STYX: variants seen among roughly 807,000 people sequenced by gnomAD.
STYX encodes the protein serine/threonine/tyrosine-interacting protein.
In STYX, 20 loss-of-function variants were observed where a neutral mutation model predicts 42.7. The observed-to-expected ratio is 0.47, with a 90% CI of 0.33 to 0.68. The LOEUF is 0.68. STYX is among the 30% of genes least tolerant of loss of function. STYX has a pLI of 0.02. For synonymous variants in STYX, 78 were observed against 81.9 expected, an observed-to-expected ratio of 0.95 and a Z score of 0.26; for missense variants, 226 against 268.5, an observed-to-expected ratio of 0.84 and a Z score of 1.11.
At chr14:52,755,121 G>GTTTTTTTTTTT (rs537098365) in intron 4 of STYX, among the ~76,000 whole-genome samples, 3 of 139,304 alleles carry the variant, frequency 2.2e-5, no homozygotes, top group Admixed American at 7.2e-5. Flanking sequence ...TTGTTTTTTT[G>GTTTTTTTTTTT]TTTTTTTTTT....
intron 3 of STYX, 88 bp downstream of exon 3, chr14:52,746,567 A>G (rs1594869969): frequency 8.7e-7 from 1 of 1,146,904 alleles, no homozygotes. Flanking sequence ...GTTTTATTTT[A>G]GGGAGCATCC....
At chr14:52,744,550 C>A (rs1286774651) in intron 1 of STYX, among the ~76,000 whole-genome samples, 1 of 152,162 alleles carries the variant, frequency 6.6e-6, no homozygotes, top group Admixed American at 6.5e-5. Flanking sequence ...CTTAGAAGAT[C>A]AGTTTTGGGA....
rs1880651289 is a variant in STYX at position 52,730,523 on chromosome 14, G to A, written c.49G>A (p.Asp17Asn). The A allele has an allele frequency of 6.2e-7, 1 of 1,613,536 alleles. No individual in the cohort carries two copies. Among genetic ancestry groups the A allele is most frequent in the Non-Finnish European group, 8.5e-7 (1 of 1,179,826 alleles). ...EFPSLPQCKE[D>N]AEEWTYPMRR... ...CCCTTCCCTTCCACAGTGCAAGGAA[G>A]ACGCCGAGGTGAGTCGCTCCCGTGG... Residue 17 changes from aspartate (D) to asparagine (N), a missense_variant, in exon 1 of 11, where the codon GAC (aspartate) becomes AAC (asparagine). Coordinates refer to ENST00000354586, the MANE Select transcript of STYX (RefSeq NM_145251.4).
chr14:52,733,128 G>A (rs17125716), intron 1 of STYX, among the ~76,000 whole-genome samples: 5,900 of 152,220 alleles, frequency 0.039, 374 homozygotes, highest in African/African-American at 0.13. Context: ...ACAAGACACA[G>A]AAGGACCTCG....
chr14:52,730,244 G>A lies in STYX; in HGVS notation c.-231G>A. 1 of 569,784 alleles carries A rather than the reference G, an allele frequency of 1.8e-6. No homozygotes were observed. 35.3% of individuals were successfully genotyped at this position (569,784 alleles called of 1,614,324 possible). On this transcript the variant is annotated 5_prime_UTR_variant, in exon 1 of 11. Transcript: ENST00000354586. ...ACTCTGGGGGAGGGAGACGGCAGCG[G>A]CATGGCGGCCGGGTGTAAGACGCCC...
intron 1 of STYX, among the ~76,000 whole-genome samples, chr14:52,730,837 CAA>C (rs1254326782): frequency 6.6e-6 from 1 of 152,206 alleles, no homozygotes; most frequent in Non-Finnish European, 1.5e-5. Flanking sequence ...GTCAAAGTAA[CAA>C]GAGAGCGAAG....
chr14:52,731,301 TAAGA>T (rs1224277866), intron 1 of STYX, among the ~76,000 whole-genome samples: 1 of 152,160 alleles, frequency 6.6e-6, no homozygotes, highest in Admixed American at 6.5e-5. Flanking sequence ...TTAGTAGGAT[TAAGA>T]AAGAAAATCT....
At chr14:52,760,073 G>GT (rs1318847637) in intron 9 of STYX, among the ~76,000 whole-genome samples, 1 of 152,024 alleles carries the variant, frequency 6.6e-6, no homozygotes, top group African/African-American at 2.4e-5. Flanking sequence ...AGTCATGGTG[G>GT]TGCATGGCTG....
intron 1 of STYX, among the ~76,000 whole-genome samples, chr14:52,740,938 T>A (rs1400830895): frequency 1.3e-5 from 2 of 152,200 alleles, no homozygotes; most frequent in Non-Finnish European, 2.9e-5. Flanking sequence ...GAAACCAGAT[T>A]TCTATCAACA....
At chr14:52,731,386 A>C (rs536247897) in intron 1 of STYX, among the ~76,000 whole-genome samples, 9 of 148,276 alleles carry the variant, frequency 6.1e-5, no homozygotes, top group African/African-American at 2.2e-4. Flanking sequence ...AGACCATTCA[A>C]TTTATTCCGA....
At chr14:52,764,937 G>T (rs889251005) in intron 9 of STYX, among the ~76,000 whole-genome samples, 2 of 152,058 alleles carry the variant, frequency 1.3e-5, no homozygotes, top group African/African-American at 2.4e-5. Context: ...CCGAAGTGCT[G>T]GGATTACGGG....
At position 52,750,737 on chromosome 14, in the gene STYX, A is replaced by T; in HGVS notation, c.199A>T (p.Ile67Phe). Reference protein sequence around the residue: ...ITHIICIRQNIEANFIKPNFQ... With the variant: ...ITHIICIRQNFEANFIKPNFQ... ...CCATATAATATGCATACGACAAAAT[A>T]TTGAAGCAAACTTTATTAAACCAAA... Residue 67 changes from isoleucine to phenylalanine, a missense_variant, in exon 4 of 11, where the codon ATT becomes TTT. Ile to Phe is a conservative substitution (Grantham distance 21). Transcript: ENST00000354586. 12 of 1,595,998 alleles carry T rather than the reference A, an allele frequency of 7.5e-6. No homozygotes were observed. Among genetic ancestry groups the T allele is most frequent in the Non-Finnish European group, 6.8e-6 (8 of 1,172,976 alleles).
At chr14:52,756,282 GTT>G (rs936489423) in intron 4 of STYX, among the ~76,000 whole-genome samples, 1 of 152,138 alleles carries the variant, frequency 6.6e-6, no homozygotes, top group Non-Finnish European at 1.5e-5. Flanking sequence ...TCCCAAAAGA[GTT>G]TCTTTTTGCT....
chr14:52,746,395 T>C (rs1881398307), intron 2 of STYX, 31 bp from the exon 3 acceptor site: 1 of 1,522,420 alleles, frequency 6.6e-7, no homozygotes, highest in East Asian at 2.5e-5. Context: ...AAATTGCTGA[T>C]GGTAAATACC....
In STYX at chr14:52,756,598, G is replaced by A. The variant is rs554219196; in HGVS notation, c.290G>A (p.Arg97His). 4 of 1,465,930 alleles carry A rather than the reference G, an allele frequency of 2.7e-6. No homozygotes were observed. The highest frequency in any genetic ancestry group is 2.8e-6 in the Non-Finnish European group (3 of 1,085,290). 90.8% of individuals were successfully genotyped at this position (1,465,930 alleles called of 1,614,324 possible). ...GATAATCCAGTTGAAAATATAATAC[G>A]TTTTTTCCCTATGGTAGGTACCAGT... ...IADNPVENIIRFFPMTKEFID... is the reference protein window; with the variant it reads ...IADNPVENIIHFFPMTKEFID... The change falls in exon 5 of 11, where the codon CGT becomes CAT. Residue 97 changes from arginine (R) to histidine (H), a missense_variant. Coordinates refer to ENST00000354586, the MANE Select transcript of STYX (RefSeq NM_145251.4).
intron 5 of STYX, 63 bp downstream of exon 5, chr14:52,756,674 GCTTTTTT>G: frequency 1.0e-5 from 2 of 195,902 alleles, no homozygotes; most frequent in South Asian, 1.1e-4. Context: ...TCTTAGTTGT[GCTTTTTT>G]TTTTTTTTTT....
At chr14:52,736,138 T>C (rs563523287) in intron 1 of STYX, among the ~76,000 whole-genome samples, 1 of 152,318 alleles carries the variant, frequency 6.6e-6, no homozygotes, top group South Asian at 2.1e-4. Context: ...TTATGTTTGC[T>C]ATTTTCCCCT....
At position 52,758,148 on chromosome 14, in the gene STYX, C is replaced by T. The variant is rs915067204; in HGVS notation, c.431+224C>T. Among the ~76,000 whole-genome samples, 4 of 152,158 alleles carry T rather than the reference C, an allele frequency of 2.6e-5. No homozygotes were observed. In the South Asian group the frequency reaches 6.2e-4, roughly 24 times the overall value. Reference sequence around the variant, plus strand: ...AATCCTATGGAAAACTACTTACCTACCACAAGGGAATTGGTTGGTATGAGT... The same window carrying T: ...AATCCTATGGAAAACTACTTACCTATCACAAGGGAATTGGTTGGTATGAGT... On this transcript the variant is annotated intron_variant, in intron 8 of 10. Coordinates refer to ENST00000354586, the MANE Select transcript of STYX (RefSeq NM_145251.4).
intron 1 of STYX, among the ~76,000 whole-genome samples, chr14:52,733,368 G>A (rs902484752): frequency 1.3e-5 from 2 of 152,046 alleles, no homozygotes; most frequent in African/African-American, 4.8e-5. Context: ...GATGTGTGGG[G>A]GTTTTTCCAT....
Sources: allele counts gnomAD v4.1 joint callset (sites outside exome capture counted in the v4.1 genomes callset), GRCh38; gene constraint gnomAD v4.1.1; transcripts MANE v1.5; gene names NCBI Gene and HGNC (gene_info 2026-07-23, HGNC 2026-07-21).